Variants in DPY19L2 observed in about 807,000 individuals in gnomAD.
DPY19L2 encodes the protein dpy-19 like 2, also known as probable C-mannosyltransferase DPY19L2.
A neutral mutation model predicts 97.9 loss-of-function variants in DPY19L2; 34 were observed. The ratio of observed to expected loss-of-function variants is 0.35; its 90% CI spans 0.26 to 0.46. The LOEUF (loss-of-function observed/expected upper bound fraction) is 0.46, where lower values mean the gene tolerates loss of function less well. Among genes scored for constraint, DPY19L2 ranks in the 20% least tolerant of loss-of-function variants. The pLI is 1.00. For missense variants in DPY19L2, 623 were observed against 911.4 expected, an observed-to-expected ratio of 0.68 and a Z score of 4.07; for synonymous variants, 230 against 307.9, an observed-to-expected ratio of 0.75 and a Z score of 2.65.
intron 18 of DPY19L2, among the ~76,000 whole-genome samples, chr12:63,581,276 C>T (rs1354487195): frequency 2.6e-5 from 4 of 151,962 alleles, no homozygotes; most frequent in African/African-American, 7.3e-5. Context: ...ATAATAAAAA[C>T]GAAGTAAGGT....
At chr12:63,616,765 T>C (rs1887905164) in intron 11 of DPY19L2, among the ~76,000 whole-genome samples, 3 of 152,166 alleles carry the variant, frequency 2.0e-5, no homozygotes, top group African/African-American at 7.2e-5. Context: ...ATAATTTAGT[T>C]ATAGGTGCAA....
chr12:63,615,981 C>A (rs1188516299), intron 11 of DPY19L2, among the ~76,000 whole-genome samples: 1 of 151,970 alleles, frequency 6.6e-6, no homozygotes, highest in Non-Finnish European at 1.5e-5. Context: ...AAAAACAATA[C>A]AGTATACAAC....
intron 19 of DPY19L2, among the ~76,000 whole-genome samples, chr12:63,580,180 T>A (rs1036090217): frequency 6.6e-6 from 1 of 151,288 alleles, no homozygotes; most frequent in East Asian, 1.9e-4. Flanking sequence ...GATTTTCTCT[T>A]CTGCCAATGA....
rs539673870 is a variant in DPY19L2 at position 63,594,464 on chromosome 12, AGTGT to A, written c.1534-335_1534-332del. 6.1e-4 allele frequency among the ~76,000 whole-genome samples: 76 copies of A among 125,018 alleles called. No homozygotes were observed. The East Asian group carries it at 0.01, about 17-fold the overall frequency. The allele number at this position is 125,018 out of a possible 152,430, so 82.0% of individuals were successfully genotyped here. A position where few individuals can be genotyped will look rare whatever the true frequency, so the allele number is the denominator to read the frequency against. Reference sequence around the variant, plus strand: ...CTGCAGGGATGAGAGAGAGAGAGATAGTGTGTGTGTGTGTGTGTGTGTGTGTGTA... The same window carrying A: ...CTGCAGGGATGAGAGAGAGAGAGATAGTGTGTGTGTGTGTGTGTGTGTGTA... On this transcript the variant is annotated intron_variant, in intron 15 of 21. Transcript: ENST00000324472.
At chr12:63,603,000 G>C (rs1885428106) in intron 12 of DPY19L2, among the ~76,000 whole-genome samples, 1 of 152,104 alleles carries the variant, frequency 6.6e-6, no homozygotes, top group Admixed American at 6.5e-5. Context: ...CTCAATTTAT[G>C]CTACACAGGG....
chr12:63,651,079 G>T (rs1894157628), intron 4 of DPY19L2, among the ~76,000 whole-genome samples: 1 of 152,056 alleles, frequency 6.6e-6, no homozygotes, highest in Non-Finnish European at 1.5e-5. Context: ...GAACAGAATA[G>T]AGAGCCCAGA....
chr12:63,603,813 C>T (rs1013177467), intron 12 of DPY19L2, among the ~76,000 whole-genome samples: 7 of 152,222 alleles, frequency 4.6e-5, no homozygotes, highest in African/African-American at 1.7e-4. Flanking sequence ...AAAAAAAGAG[C>T]TCATATAGCC....
intron 20 of DPY19L2, among the ~76,000 whole-genome samples, chr12:63,570,318 T>A (rs1878560240): frequency 1.3e-5 from 2 of 152,178 alleles, no homozygotes; most frequent in African/African-American, 4.8e-5. Context: ...TTTTTCTACC[T>A]GTCACAAAAA....
chr12:63,571,403 ACT>A (rs1251093512), intron 19 of DPY19L2, among the ~76,000 whole-genome samples: 1 of 152,142 alleles, frequency 6.6e-6, no homozygotes, highest in African/African-American at 2.4e-5. Flanking sequence ...TAGCTGCTTC[ACT>A]CAAGCTTCCT....
intron 4 of DPY19L2, among the ~76,000 whole-genome samples, chr12:63,654,858 C>A (rs1170916255): frequency 1.3e-5 from 2 of 152,042 alleles, no homozygotes. Flanking sequence ...TAGATGTCAA[C>A]GGAGAAATGA....
intron 19 of DPY19L2, among the ~76,000 whole-genome samples, chr12:63,576,849 T>C (rs1320532635): frequency 1.3e-5 from 2 of 152,100 alleles, no homozygotes; most frequent in Non-Finnish European, 2.9e-5. Flanking sequence ...ACTGTTAAAA[T>C]GTCCATACTA....
At chr12:63,582,112 A>G (rs1352614244) in intron 18 of DPY19L2, among the ~76,000 whole-genome samples, 2 of 151,706 alleles carry the variant, frequency 1.3e-5, no homozygotes, top group African/African-American at 2.4e-5. Flanking sequence ...TCTTACACAA[A>G]CCTGAACTCT....
chr12:63,584,860 T>G (rs533026352), intron 16 of DPY19L2, among the ~76,000 whole-genome samples: 1 of 152,302 alleles, frequency 6.6e-6, no homozygotes, highest in Admixed American at 6.5e-5. Context: ...AGATCTACGG[T>G]AAGAACAAAT....
At chr12:63,573,905 A>G (rs776660001) in intron 19 of DPY19L2, among the ~76,000 whole-genome samples, 9 of 152,138 alleles carry the variant, frequency 5.9e-5, no homozygotes, top group Non-Finnish European at 1.3e-4. Context: ...TTCACACCAG[A>G]CCTACCTATA....
At chr12:63,585,401 C>T (rs1054289304) in intron 16 of DPY19L2, among the ~76,000 whole-genome samples, 5 of 152,020 alleles carry the variant, frequency 3.3e-5, no homozygotes, top group African/African-American at 1.2e-4. Context: ...CCAAATTATT[C>T]TATGTCCCTT....
intron 12 of DPY19L2, among the ~76,000 whole-genome samples, chr12:63,607,933 C>T (rs1226711525): frequency 6.6e-6 from 1 of 151,600 alleles, no homozygotes; most frequent in African/African-American, 2.4e-5. Context: ...GTGTGTGGCC[C>T]AAGGTTTATT....
intron 2 of DPY19L2, among the ~76,000 whole-genome samples, chr12:63,664,759 A>G (rs1384131883): frequency 6.6e-6 from 1 of 152,192 alleles, no homozygotes; most frequent in African/African-American, 2.4e-5. Context: ...TTTCCAGTGA[A>G]GTTGAAAATA....
chr12:63,664,330 C>T (rs906019307), intron 2 of DPY19L2, among the ~76,000 whole-genome samples: 3 of 146,484 alleles, frequency 2.0e-5, no homozygotes, highest in African/African-American at 7.3e-5. Flanking sequence ...GAGTGAGACT[C>T]TGTCTTAAAA....
intron 15 of DPY19L2, among the ~76,000 whole-genome samples, chr12:63,594,652 CTG>C (rs60604846): frequency 0.23 from 25,104 of 111,350 alleles, 2,168 homozygotes; most frequent in African/African-American, 0.31. Context: ...GTGTGCGTGT[CTG>C]TGTGTGTGTG....
Sources: gnomAD v4.1 joint callset for allele counts (sites outside exome capture counted in the v4.1 genomes callset) on GRCh38, gnomAD v4.1.1 for gene constraint, MANE v1.5 for transcripts, NCBI Gene and HGNC (gene_info 2026-07-23, HGNC 2026-07-21) for gene names.